RRAGB: variants seen among roughly 807,000 people sequenced by gnomAD.
RRAGB encodes Ras related GTP binding B, also known as ras-related GTP-binding protein B.
A neutral mutation model predicts 29.3 loss-of-function variants in RRAGB; 6 were observed. That is an observed-to-expected ratio of 0.21 (90% CI 0.11 to 0.40). The LOEUF (loss-of-function observed/expected upper bound fraction) is 0.40. Ranked by LOEUF, RRAGB falls within the 10% of genes least tolerant of loss-of-function variation. The pLI is 1.00. For missense variants in RRAGB, 184 were observed against 272.9 expected (o/e 0.67, Z 2.29); for synonymous variants, 101 against 92.5 (o/e 1.09, Z -0.53).
intron 5 of RRAGB, among the ~76,000 whole-genome samples, chrX:55,745,689 C>T (rs917217076): frequency 4.0e-4 from 45 of 112,177 alleles, no homozygotes; most frequent in Admixed American, 5.6e-4. Context: ...TTACCATTTT[C>T]CTAGGTAGAG....
intron 3 of RRAGB, among the ~76,000 whole-genome samples, chrX:55,727,717 A>G (rs1002427779): frequency 8.9e-6 from 1 of 112,170 alleles, no homozygotes; most frequent in Admixed American, 9.5e-5. Context: ...AAAATTGCAC[A>G]AAAGTTAGAT....
intron 3 of RRAGB, 72 bp downstream of exon 3, chrX:55,722,357 C>T: frequency 1.5e-6 from 1 of 688,434 alleles, no homozygotes; most frequent in Non-Finnish European, 2.2e-6. Context: ...CACTTGGTTT[C>T]AGTACCTTGG....
chrX:55,726,872 TA>T (rs1200007703), intron 3 of RRAGB, among the ~76,000 whole-genome samples: 4 of 111,456 alleles, frequency 3.6e-5, no homozygotes, highest in African/African-American at 6.5e-5. Context: ...GTTCTAGAGA[TA>T]CCTGTTTCTG....
At chrX:55,738,999 C>T (rs948403574) in intron 5 of RRAGB, among the ~76,000 whole-genome samples, 2 of 112,302 alleles carry the variant, frequency 1.8e-5, no homozygotes, top group African/African-American at 3.2e-5. Flanking sequence ...GCACAACTGA[C>T]TCTGCTGCAC....
At chrX:55,718,459 T>G in intron 1 of RRAGB, 40 bp downstream of exon 1, 1 of 921,211 alleles carries the variant, frequency 1.1e-6, no homozygotes, top group South Asian at 2.4e-5. Flanking sequence ...AGTGGGGGTG[T>G]TCAAATTGAA....
intron 3 of RRAGB, among the ~76,000 whole-genome samples, 181 bp from the exon 4 acceptor site, chrX:55,729,113 G>A (rs1206056314): frequency 9.0e-6 from 1 of 110,875 alleles, no homozygotes. Flanking sequence ...ATAGCCCAGG[G>A]TAGTTTAGGT....
At chrX:55,750,274 A>C (rs777537599) in intron 5 of RRAGB, among the ~76,000 whole-genome samples, 8 of 108,578 alleles carry the variant, frequency 7.4e-5, no homozygotes, top group Non-Finnish European at 1.5e-4. Context: ...GAACTTTCTC[A>C]AGTAATTGTA....
chrX:55,755,125 G>A, intron 7 of RRAGB: 1 of 750,755 alleles, frequency 1.3e-6, no homozygotes, highest in Non-Finnish European at 1.6e-6. Context: ...AAGCAAGGGG[G>A]ATTTGTTCTT....
intron 3 of RRAGB, among the ~76,000 whole-genome samples, chrX:55,728,881 G>C (rs1418820247): frequency 9.0e-6 from 1 of 110,679 alleles, no homozygotes; most frequent in Non-Finnish European, 1.9e-5. Context: ...ATCAATAGCA[G>C]GAGTTCATTT....
Position 55,751,156 on chromosome X carries a change from C to G in RRAGB, c.572C>G (p.Ser191Cys). Residue 191 changes from serine to cysteine, a missense_variant, in exon 6 of 10, where the codon TCT becomes TGT. Physicochemically the swap from Ser to Cys is moderately radical, Grantham distance 112. Transcript: ENST00000374941. ...CGTTTGTCTCGCCCATTGGAATGTT[C>G]TTGTTTCCGAACATCTATCTGGGAT... ...LRRLSRPLEC[S>C]CFRTSIWDET... 8.4e-7 allele frequency: 1 copy of G among 1,191,388 alleles called. No individual in the cohort carries two copies. Among genetic ancestry groups the G allele is most frequent in the South Asian group, 1.8e-5 (1 of 56,135 alleles).
intron 2 of RRAGB, 92 bp downstream of exon 2, chrX:55,719,439 G>A (rs2033180542): frequency 6.6e-6 from 4 of 603,639 alleles, no homozygotes; most frequent in Non-Finnish European, 9.8e-6. Flanking sequence ...ATCTTTTCTG[G>A]ACTATTGCAG....
At chrX:55,747,889 C>G (rs374134597) in intron 5 of RRAGB, among the ~76,000 whole-genome samples, 12 of 108,750 alleles carry the variant, frequency 1.1e-4, no homozygotes, top group South Asian at 8.5e-4. Context: ...CCCTCTCCCT[C>G]TCTTTCCACG....
Position 55,729,334 on chromosome X carries a change from G to A in RRAGB, c.267G>A (p.Leu89=), listed in dbSNP as rs2033591214. ...CTCATGTTCGATTTCTGGGAAACCT[G>A]GTATTGAACCTGTGGGATTGTGGTG... ...EHSHVRFLGN[L]VLNLWDCGGQ... Residue 89 remains leucine, a synonymous_variant, in exon 4 of 10, where the codon CTG becomes CTA. Transcript: ENST00000374941. 8.3e-7 allele frequency: 1 copy of A among 1,198,099 alleles called. No individual in the cohort carries two copies. Among genetic ancestry groups the A allele is most frequent in the African/African-American group, 1.8e-5 (1 of 56,570 alleles).
chrX:55,752,451 C>A, intron 6 of RRAGB: 1 of 489,781 alleles, frequency 2.0e-6, no homozygotes, highest in Non-Finnish European at 2.5e-6. Context: ...GGAACCTGAA[C>A]CCTCATGCCT....
At chrX:55,726,464 G>A (rs2033481585) in intron 3 of RRAGB, among the ~76,000 whole-genome samples, 1 of 111,716 alleles carries the variant, frequency 9.0e-6, no homozygotes, top group Admixed American at 9.5e-5. Context: ...ATGGAGGATA[G>A]ATTGGAGGGA....
intron 3 of RRAGB, among the ~76,000 whole-genome samples, chrX:55,725,383 G>T (rs193273064): frequency 8.9e-6 from 1 of 111,838 alleles, no homozygotes; most frequent in Admixed American, 9.5e-5. Flanking sequence ...TAGCTAGTTT[G>T]TCATTGCTAA....
chrX:55,738,407 C>T (rs2033939036), intron 5 of RRAGB, among the ~76,000 whole-genome samples: 1 of 112,092 alleles, frequency 8.9e-6, no homozygotes, highest in African/African-American at 3.2e-5. Flanking sequence ...CTGTCCTGCC[C>T]TCTGGTCTCC....
In RRAGB at chrX:55,717,833, T is replaced by C. The variant is rs1395978081; in HGVS notation, c.-495T>C. 1.8e-5 allele frequency: 2 copies of C among 113,385 alleles called. No individual in the cohort carries two copies. Among genetic ancestry groups the C allele is most frequent in the African/African-American group, 6.4e-5 (2 of 31,198 alleles). The allele number at this position is 113,385 out of a possible 1,213,427, so 9.3% of individuals were successfully genotyped here. On this transcript the variant is annotated 5_prime_UTR_variant, in exon 1 of 10. Transcript: ENST00000374941. Reference sequence around the variant, plus strand: ...GAAGGGCGGGTGGTTAGGTCGTAACTACTGCCCCCGCCGGCTGACTCTCCG... The same window carrying C: ...GAAGGGCGGGTGGTTAGGTCGTAACCACTGCCCCCGCCGGCTGACTCTCCG...
In RRAGB at chrX:55,758,422, G is replaced by A; in HGVS notation, c.*79G>A. 9 of 592,050 alleles carry A rather than the reference G, an allele frequency of 1.5e-5. No homozygotes were observed. Among genetic ancestry groups the A allele is most frequent in the Non-Finnish European group, 2.3e-5 (9 of 383,415 alleles). 48.8% of individuals were successfully genotyped at this position (592,050 alleles called of 1,213,427 possible). Reference sequence around the variant, plus strand: ...TATTCATATATGTAGGCTCTGAAATGTTGTGATGCTTATTGCTTCTGTATT... The same window carrying A: ...TATTCATATATGTAGGCTCTGAAATATTGTGATGCTTATTGCTTCTGTATT... On this transcript the variant is annotated 3_prime_UTR_variant, in exon 10 of 10. Coordinates refer to ENST00000374941, the MANE Select transcript of RRAGB (RefSeq NM_006064.5).
Sources: allele counts gnomAD v4.1 joint callset (sites outside exome capture counted in the v4.1 genomes callset), GRCh38; gene constraint gnomAD v4.1.1; transcripts MANE v1.5; gene names NCBI Gene and HGNC (gene_info 2026-07-23, HGNC 2026-07-21).